The following PHACTR3 variants were observed in gnomAD, a reference collection of about 807,000 sequenced individuals.
PHACTR3 encodes the protein protein phosphatase 1, regulatory subunit 123.
PHACTR3 carries 16 observed loss-of-function variants against 66.8 expected under a neutral mutation model. The observed-to-expected ratio is 0.24, with a 90% CI of 0.16 to 0.36. The LOEUF (loss-of-function observed/expected upper bound fraction) is 0.36. Among genes scored for constraint, PHACTR3 ranks in the 10% least tolerant of loss-of-function variants. PHACTR3 has a pLI of 1.00. For missense variants in PHACTR3, 647 were observed against 719.9 expected (o/e 0.90, Z 1.16); for synonymous variants, 323 against 292.1 (o/e 1.11, Z -1.08).
Position 59,666,716 on chromosome 20 carries a change from G to C in PHACTR3, c.118+61584G>C, listed in dbSNP as rs139471985. On this transcript the variant is annotated intron_variant, in intron 1 of 12. Transcript: ENST00000371015. ...AGAGAGTGACATTTAGAGAGACAGA[G>C]AGAGGGAGAGAGACCTGATTTCCAC... is the stretch of plus-strand genomic sequence containing the variant. Among the ~76,000 whole-genome samples, 124 of 152,282 alleles carry C rather than the reference G, an allele frequency of 8.1e-4. 1 individual carries two copies. Among genetic ancestry groups the C allele is most frequent in the African/African-American group, 2.9e-3 (119 of 41,548 alleles).
At chr20:59,815,315 T>C (rs553565046) in intron 8 of PHACTR3, among the ~76,000 whole-genome samples, 5 of 152,092 alleles carry the variant, frequency 3.3e-5, no homozygotes, top group Admixed American at 6.5e-5. Flanking sequence ...AAGGAACTCA[T>C]CATACCCAGG....
intron 1 of PHACTR3, chr20:59,628,656 C>A: frequency 1.0e-6 from 1 of 985,404 alleles, no homozygotes. Flanking sequence ...GTTCATTCTC[C>A]TGACTCCTGG....
At chr20:59,743,663 C>T (rs1002395079) in intron 2 of PHACTR3, among the ~76,000 whole-genome samples, 4 of 152,244 alleles carry the variant, frequency 2.6e-5, no homozygotes, top group African/African-American at 4.8e-5. Flanking sequence ...ACGCGACTCC[C>T]GCACCACCTC....
chr20:59,654,807 C>G (rs990568515), intron 1 of PHACTR3, among the ~76,000 whole-genome samples: 5 of 152,172 alleles, frequency 3.3e-5, no homozygotes, highest in African/African-American at 1.2e-4. Context: ...TAGATTATCA[C>G]ATAAGTGCAG....
At chr20:59,584,740 G>T (rs1474569938) in intron 1 of PHACTR3, among the ~76,000 whole-genome samples, 1 of 152,068 alleles carries the variant, frequency 6.6e-6, no homozygotes, top group Non-Finnish European at 1.5e-5. Context: ...TCCTTCTGAC[G>T]GAAGGCTCCT....
intron 1 of PHACTR3, among the ~76,000 whole-genome samples, chr20:59,587,419 C>CCA (rs2033064758): frequency 1.3e-5 from 2 of 152,236 alleles, no homozygotes; most frequent in African/African-American, 4.8e-5. Context: ...GCCTGGCTTT[C>CCA]CTCGTGGATG....
intron 1 of PHACTR3, among the ~76,000 whole-genome samples, chr20:59,700,789 GT>G (rs151247514): frequency 6.6e-6 from 1 of 151,826 alleles, no homozygotes. Flanking sequence ...TTTTTGTTTT[GT>G]TTTTTTGTTT....
At chr20:59,774,580 A>G in intron 7 of PHACTR3, 90 bp downstream of exon 7, 1 of 1,505,284 alleles carries the variant, frequency 6.6e-7, no homozygotes, top group Non-Finnish European at 8.9e-7. Flanking sequence ...TGCCTGGGGG[A>G]GGAACAGGTC....
chr20:59,597,296 G>C (rs776269472), intron 1 of PHACTR3, among the ~76,000 whole-genome samples: 4 of 152,224 alleles, frequency 2.6e-5, no homozygotes, highest in Non-Finnish European at 4.4e-5. Flanking sequence ...CTCTATAAAA[G>C]TGCTGTCAGC....
chr20:59,640,324 G>A (rs1225829677), intron 1 of PHACTR3, among the ~76,000 whole-genome samples: 1 of 152,226 alleles, frequency 6.6e-6, no homozygotes, highest in African/African-American at 2.4e-5. Flanking sequence ...GCTAGGTCAT[G>A]TGCGCAGAAG....
rs71321552 is a variant in PHACTR3, at chr20:59,772,182, C to G, written c.752-1097C>G. Among the ~76,000 whole-genome samples, 222 of 152,368 alleles carry G rather than the reference C, an allele frequency of 1.5e-3. 1 individual carries two copies. The highest frequency in any genetic ancestry group is 4.3e-3 in the South Asian group (21 of 4,830). ...CAGAAGACAAAGCCCATGCTCTCTGCTCTTCCGGGCACCTGACACCCTGCT... is the reference window on the plus strand; with the variant it reads ...CAGAAGACAAAGCCCATGCTCTCTGGTCTTCCGGGCACCTGACACCCTGCT... On this transcript the variant is annotated intron_variant, in intron 5 of 12. Transcript: ENST00000371015.
chr20:59,694,300 T>A (rs2037216271), intron 1 of PHACTR3, among the ~76,000 whole-genome samples: 1 of 152,132 alleles, frequency 6.6e-6, no homozygotes, highest in Non-Finnish European at 1.5e-5. Flanking sequence ...TCCCTCTGCT[T>A]GTCACACAGG....
At chr20:59,796,870 C>T (rs1253509388) in intron 7 of PHACTR3, among the ~76,000 whole-genome samples, 5 of 152,276 alleles carry the variant, frequency 3.3e-5, no homozygotes, top group Non-Finnish European at 7.4e-5. Context: ...GTTTGAGTTT[C>T]ATGGATCTGG....
At chr20:59,790,120 T>C (rs1417388811) in intron 7 of PHACTR3, among the ~76,000 whole-genome samples, 1 of 152,246 alleles carries the variant, frequency 6.6e-6, no homozygotes, top group Non-Finnish European at 1.5e-5. Context: ...TTTTTTTCTC[T>C]TTTTTAAAAT....
intron 1 of PHACTR3, among the ~76,000 whole-genome samples, chr20:59,577,797 C>G (rs1024754928): frequency 7.2e-5 from 11 of 152,318 alleles, no homozygotes; most frequent in African/African-American, 2.4e-4. Flanking sequence ...TTACCGCCCC[C>G]CTCCTCCCCC....
At chr20:59,705,742 G>C (rs1028906651) in intron 1 of PHACTR3, among the ~76,000 whole-genome samples, 5 of 152,170 alleles carry the variant, frequency 3.3e-5, no homozygotes, top group Admixed American at 6.5e-5. Flanking sequence ...TGTGGAGAAG[G>C]CTTGTCTGTT....
rs142046755 is a variant in PHACTR3, at chr20:59,632,422, C to A, written c.118+27290C>A. Among the ~76,000 whole-genome samples, 31 of 152,250 alleles carry A rather than the reference C, an allele frequency of 2.0e-4. 1 individual carries two copies. In the South Asian group the frequency reaches 5.6e-3, roughly 28 times the overall value. On this transcript the variant is annotated intron_variant, in intron 1 of 12. Transcript: ENST00000371015. ...ATCTGTTCTAGGACTTCAGTTGAAGCGCTTGGAAAGAGTTGTTTTCCCTCC... is the reference window on the plus strand; with the variant it reads ...ATCTGTTCTAGGACTTCAGTTGAAGAGCTTGGAAAGAGTTGTTTTCCCTCC...
intron 7 of PHACTR3, among the ~76,000 whole-genome samples, chr20:59,777,751 C>T (rs529941238): frequency 1.6e-4 from 25 of 152,252 alleles, no homozygotes; most frequent in African/African-American, 5.3e-4. Flanking sequence ...GTCTGTGTCC[C>T]GTGGTGTGTC....
At chr20:59,808,314 G>A (rs1330726842) in intron 8 of PHACTR3, among the ~76,000 whole-genome samples, 1 of 152,246 alleles carries the variant, frequency 6.6e-6, no homozygotes, top group African/African-American at 2.4e-5. Context: ...TCAGAGGAAA[G>A]TCATGCCATT....
Sources: allele counts gnomAD v4.1 joint callset (sites outside exome capture counted in the v4.1 genomes callset), GRCh38; gene constraint gnomAD v4.1.1; transcripts MANE v1.5; gene names NCBI Gene and HGNC (gene_info 2026-07-23, HGNC 2026-07-21).